The following DENND11 variants were observed in gnomAD, a reference collection of about 807,000 sequenced individuals.
DENND11 encodes the protein DENN domain containing 11.
In DENND11, 34 loss-of-function variants were observed where a neutral mutation model predicts 49.2. The ratio of observed to expected loss-of-function variants is 0.69; its 90% CI spans 0.53 to 0.92. The LOEUF is 0.92. Ranked by LOEUF, DENND11 falls within the 40% of genes least tolerant of loss-of-function variation. The probability of loss-of-function intolerance (pLI) is 0.00; values close to 1 mark genes in which losing one functional copy is unlikely to be tolerated. For missense variants in DENND11, 475 were observed against 581.6 expected, an observed-to-expected ratio of 0.82 and a Z score of 1.88; for synonymous variants, 238 against 230.3, an observed-to-expected ratio of 1.03 and a Z score of -0.30.
intron 1 of DENND11, among the ~76,000 whole-genome samples, chr7:141,691,656 G>T (rs1274690989): frequency 6.6e-6 from 1 of 152,190 alleles, no homozygotes; most frequent in Non-Finnish European, 1.5e-5. Context: ...GCAAATCAAA[G>T]AACAGGGCAC....
At chr7:141,670,236 C>G (rs989812940) in intron 4 of DENND11, among the ~76,000 whole-genome samples, 4 of 152,100 alleles carry the variant, frequency 2.6e-5, no homozygotes, top group Non-Finnish European at 4.4e-5. Context: ...TTAATAAGCT[C>G]ATATACACCC....
intron 3 of DENND11, among the ~76,000 whole-genome samples, chr7:141,677,813 A>AT (rs1254899885): frequency 6.6e-6 from 1 of 152,166 alleles, no homozygotes; most frequent in East Asian, 1.9e-4. Context: ...TAAAAGCCCA[A>AT]TAACAGTGAA....
At chr7:141,678,046 T>A (rs574111229) in intron 3 of DENND11, among the ~76,000 whole-genome samples, 152 of 151,702 alleles carry the variant, frequency 1.0e-3, no homozygotes, top group African/African-American at 3.5e-3. Context: ...CACCGCAACC[T>A]CCACCTCTGG....
chr7:141,690,867 C>A (rs146411461), intron 1 of DENND11, among the ~76,000 whole-genome samples: 2 of 152,092 alleles, frequency 1.3e-5, no homozygotes, highest in African/African-American at 4.8e-5. Flanking sequence ...CGTGAATCTC[C>A]GTGAGATCAA....
Position 141,663,107 on chromosome 7 carries a change from T to G in DENND11, c.1173-256A>C, listed in dbSNP as rs2117049943. On this transcript the variant is annotated intron_variant, in intron 8 of 8. Transcript: ENST00000536163. ...AGCAAGATGGCCTGTCAAAATCCAT[T>G]TTCCTGTTGAGGGAAGTGACCTGGG... 3 of 364,822 alleles carry G rather than the reference T, an allele frequency of 8.2e-6. No homozygotes were observed. In the South Asian group the frequency reaches 2.8e-4, roughly 35 times the overall value. The allele number at this position is 364,822 out of a possible 1,614,324, so 22.6% of individuals were successfully genotyped here. A position where few individuals can be genotyped will look rare whatever the true frequency, so the allele number is the denominator to read the frequency against.
chr7:141,674,134 C>T lies in DENND11; in HGVS notation c.614G>A (p.Arg205Lys). 6.3e-7 allele frequency: 1 copy of T among 1,592,330 alleles called. No individual in the cohort carries two copies. The highest frequency in any genetic ancestry group is 8.6e-7 in the Non-Finnish European group (1 of 1,169,390). Residue 205 changes from arginine to lysine, a missense_variant, in exon 4 of 9, where the codon AGA becomes AAA. Arg to Lys is a conservative substitution (Grantham distance 26). Transcript: ENST00000536163. ...KKGVLHAGPGRGSSLPPVYWL... is the reference protein window; with the variant it reads ...KKGVLHAGPGKGSSLPPVYWL... ...GTAGACAGGGGGCAGGCTGCTGCCT[C>T]TGCCGGGACCAGCATGGAGCACCCC... is the stretch of plus-strand genomic sequence containing the variant.
At position 141,701,816 on chromosome 7, in the gene DENND11, TC is replaced by T. The variant is rs1404415617; in HGVS notation, c.268+69del. 1.1e-5 allele frequency: 12 copies of T among 1,108,280 alleles called. 1 individual carries two copies. In the Admixed American group the frequency reaches 5.5e-4, roughly 51 times the overall value. The allele number at this position is 1,108,280 out of a possible 1,614,324, so 68.7% of individuals were successfully genotyped here. A position where few individuals can be genotyped will look rare whatever the true frequency, so the allele number is the denominator to read the frequency against. ...GGCAGGTGCGCGCGCAGCGAGCCCC[TC>T]CCCCGCGCCCCCAAAGCTCGGGGGC... On this transcript the variant is annotated intron_variant, in intron 1 of 8. Transcript: ENST00000536163.
At chr7:141,665,512 TCAA>T (rs1472012017) in intron 5 of DENND11, among the ~76,000 whole-genome samples, 194 bp from the exon 6 acceptor site, 10 of 152,146 alleles carry the variant, frequency 6.6e-5, no homozygotes, top group Non-Finnish European at 1.3e-4. Context: ...CAAGGTGACG[TCAA>T]CAACGTGCTT....
At chr7:141,693,950 C>T (rs953873631) in intron 1 of DENND11, among the ~76,000 whole-genome samples, 1 of 152,086 alleles carries the variant, frequency 6.6e-6, no homozygotes, top group Non-Finnish European at 1.5e-5. Context: ...AACAGTGAAC[C>T]TTAATGCAAA....
rs914457251 is a variant in DENND11, at chr7:141,658,276, C to G, written c.*4380G>C. On this transcript the variant is annotated 3_prime_UTR_variant, in exon 9 of 9. Transcript: ENST00000536163. ...ACAGTTAGCCTTTTCCCACAACACT[C>G]AATACTCCAGTAGCTTCTAGGAAGA... is the stretch of plus-strand genomic sequence containing the variant. The G allele has an allele frequency of 6.6e-6, 1 of 152,320 alleles. No individual in the cohort carries two copies. The highest frequency in any genetic ancestry group is 2.1e-4 in the South Asian group (1 of 4,822). 9.4% of individuals were successfully genotyped at this position (152,320 alleles called of 1,614,324 possible). A position where few individuals can be genotyped will look rare whatever the true frequency, so the allele number is the denominator to read the frequency against.
At chr7:141,682,965 A>C (rs1222912622) in intron 3 of DENND11, among the ~76,000 whole-genome samples, 1 of 150,576 alleles carries the variant, frequency 6.6e-6, no homozygotes, top group South Asian at 2.2e-4. Flanking sequence ...AAAAAAAAAA[A>C]CTGAGGAAAT....
At chr7:141,681,157 T>A (rs754451604) in intron 3 of DENND11, among the ~76,000 whole-genome samples, 6 of 152,158 alleles carry the variant, frequency 3.9e-5, no homozygotes, top group African/African-American at 7.2e-5. Context: ...TCATCTGAAT[T>A]TGTAGCTTTA....
Position 141,662,374 on chromosome 7 carries a change from C to T in DENND11, c.*282G>A, listed in dbSNP as rs1334237745. 1.4e-5 allele frequency: 5 copies of T among 366,686 alleles called. No homozygotes were observed. Among genetic ancestry groups the T allele is most frequent in the Admixed American group, 4.7e-5 (1 of 21,452 alleles). 22.7% of individuals were successfully genotyped at this position (366,686 alleles called of 1,614,324 possible). On this transcript the variant is annotated 3_prime_UTR_variant, in exon 9 of 9. Transcript: ENST00000536163. ...AATGTTTCCAGAGCTCAGCCTACTC[C>T]TAGTGATACAACTCCCATGACCAAG...
intron 4 of DENND11, 89 bp downstream of exon 4, chr7:141,673,978 T>G (rs1224508486): frequency 6.9e-6 from 10 of 1,439,412 alleles, no homozygotes; most frequent in Non-Finnish European, 9.4e-6. Flanking sequence ...TCCAAAGACA[T>G]AAATTTTTTA....
chr7:141,674,804 C>T (rs1003944511), intron 3 of DENND11, among the ~76,000 whole-genome samples: 3 of 152,112 alleles, frequency 2.0e-5, no homozygotes, highest in East Asian at 1.9e-4. Context: ...CTTCTCTGCC[C>T]GCTCCACCAG....
chr7:141,692,684 TA>T (rs1166779831), intron 1 of DENND11, among the ~76,000 whole-genome samples: 23 of 147,094 alleles, frequency 1.6e-4, no homozygotes, highest in African/African-American at 2.7e-4. Context: ...TACAAAAAAT[TA>T]AAAAAAAAAA....
At chr7:141,677,394 A>AT (rs1798075168) in intron 3 of DENND11, among the ~76,000 whole-genome samples, 1 of 93,252 alleles carries the variant, frequency 1.1e-5, no homozygotes, top group Non-Finnish European at 2.4e-5. Flanking sequence ...TTGTCTCAAA[A>AT]AAAAAAAAAT....
At chr7:141,667,149 G>T (rs569525867) in intron 4 of DENND11, among the ~76,000 whole-genome samples, 1 of 152,276 alleles carries the variant, frequency 6.6e-6, no homozygotes, top group East Asian at 1.9e-4. Flanking sequence ...TTGAACTCCT[G>T]ACCTCAACTG....
At chr7:141,698,029 G>A (rs920093690) in intron 1 of DENND11, among the ~76,000 whole-genome samples, 6 of 152,092 alleles carry the variant, frequency 3.9e-5, no homozygotes, top group African/African-American at 1.2e-4. Flanking sequence ...ACAAACACAG[G>A]GAGCACAGGA....
Sources: allele counts gnomAD v4.1 joint callset (sites outside exome capture counted in the v4.1 genomes callset), GRCh38; gene constraint gnomAD v4.1.1; transcripts MANE v1.5; gene names NCBI Gene and HGNC (gene_info 2026-07-23, HGNC 2026-07-21).